Variants in MARCHF8 observed in about 807,000 individuals in gnomAD.
MARCHF8 encodes membrane associated ring-CH-type finger 8, also known as E3 ubiquitin-protein ligase MARCHF8.
In MARCHF8, 40 loss-of-function variants were observed where a neutral mutation model predicts 51.6. The ratio of observed to expected loss-of-function variants is 0.77; its 90% CI spans 0.60 to 1.01. The LOEUF is 1.01. Among genes scored for constraint, MARCHF8 ranks in the 50% least tolerant of loss-of-function variants. The pLI is 0.00. For missense variants in MARCHF8, 685 were observed against 708.6 expected, an observed-to-expected ratio of 0.97 and a Z score of 0.38; for synonymous variants, 263 against 280.3, an observed-to-expected ratio of 0.94 and a Z score of 0.62.
intron 1 of MARCHF8, among the ~76,000 whole-genome samples, chr10:45,577,269 C>CA (rs529792741): frequency 2.8e-4 from 40 of 142,182 alleles, no homozygotes; most frequent in Middle Eastern, 3.6e-3. Context: ...TTAATGGGCA[C>CA]AAAAAAAAAA....
intron 2 of MARCHF8, among the ~76,000 whole-genome samples, chr10:45,532,810 T>C (rs2043908986): frequency 6.6e-6 from 1 of 152,220 alleles, no homozygotes; most frequent in African/African-American, 2.4e-5. Flanking sequence ...AATAGGAAAC[T>C]AGCAGCATCA....
chr10:45,542,897 T>C (rs1330046504), intron 1 of MARCHF8, among the ~76,000 whole-genome samples: 1 of 152,206 alleles, frequency 6.6e-6, no homozygotes, highest in East Asian at 1.9e-4. Context: ...ATTGTCTAAT[T>C]AGAAATTTGA....
upstream of MARCHF8, among the ~76,000 whole-genome samples, chr10:45,536,166 G>C (rs986069404): frequency 1.3e-5 from 2 of 152,006 alleles, no homozygotes; most frequent in Non-Finnish European, 2.9e-5. Flanking sequence ...TACAACAAAG[G>C]AACAGTAATC....
chr10:45,554,839 G>A (rs946969499), intron 1 of MARCHF8, among the ~76,000 whole-genome samples: 1 of 152,230 alleles, frequency 6.6e-6, no homozygotes, highest in Non-Finnish European at 1.5e-5. Context: ...CGGATTGCCT[G>A]AGGTCAAGCG....
intron 2 of MARCHF8, 58 bp from the exon 3 acceptor site, chr10:45,489,475 C>G: frequency 6.9e-7 from 1 of 1,453,246 alleles, no homozygotes; most frequent in African/African-American, 1.4e-5. Flanking sequence ...ATGCAAAGAA[C>G]AAGTAATTGA....
intron 2 of MARCHF8, among the ~76,000 whole-genome samples, chr10:45,505,015 T>C (rs1418304675): frequency 6.6e-6 from 1 of 152,162 alleles, no homozygotes; most frequent in African/African-American, 2.4e-5. Flanking sequence ...GAGCTGTTAA[T>C]TATATATACA....
chr10:45,498,009 A>T (rs767582703), intron 2 of MARCHF8, among the ~76,000 whole-genome samples: 19 of 152,302 alleles, frequency 1.2e-4, no homozygotes, highest in Non-Finnish European at 2.8e-4. Flanking sequence ...GACTAATACA[A>T]ACATCTACTA....
At chr10:45,479,032 A>G (rs2042838111) in intron 3 of MARCHF8, among the ~76,000 whole-genome samples, 1 of 152,230 alleles carries the variant, frequency 6.6e-6, no homozygotes, top group South Asian at 2.1e-4. Context: ...AAAACCAGAC[A>G]AGGACACAAC....
chr10:45,507,968 G>A (rs1256459746), intron 2 of MARCHF8, among the ~76,000 whole-genome samples: 3 of 152,130 alleles, frequency 2.0e-5, no homozygotes, highest in African/African-American at 7.2e-5. Flanking sequence ...GATATCTGCT[G>A]TATAAATAAC....
chr10:45,526,739 C>G (rs1236423437), intron 2 of MARCHF8, among the ~76,000 whole-genome samples: 1 of 151,664 alleles, frequency 6.6e-6, no homozygotes, highest in Admixed American at 6.6e-5. Context: ...AAAAAAACCC[C>G]ACTGGATTTA....
chr10:45,578,567 T>C (rs555883692), intron 1 of MARCHF8, among the ~76,000 whole-genome samples: 1 of 152,144 alleles, frequency 6.6e-6, no homozygotes, highest in Non-Finnish European at 1.5e-5. Context: ...ACGCTAAAAC[T>C]AGTGGGTGAA....
At chr10:45,526,860 CCTT>C (rs2043802649) in intron 2 of MARCHF8, among the ~76,000 whole-genome samples, 1 of 152,134 alleles carries the variant, frequency 6.6e-6, no homozygotes, top group Non-Finnish European at 1.5e-5. Flanking sequence ...CCAAGACAGA[CCTT>C]ATCTTAAGGA....
At chr10:45,545,543 T>C (rs764903355) in intron 1 of MARCHF8, among the ~76,000 whole-genome samples, 1 of 152,174 alleles carries the variant, frequency 6.6e-6, no homozygotes, top group African/African-American at 2.4e-5. Context: ...AAAATTGAAA[T>C]GGATTTCAAA....
rs144105807 is a variant in MARCHF8, at chr10:45,550,041, G to A, written c.-78-16752C>T. The stretch of plus-strand genomic sequence containing the variant: ...ACTGCAAACAGGCAGAGCTGGGAGC[G>A]GGGACAGGGGGCAGTGATTCATTAG... On this transcript the variant is annotated intron_variant, in intron 1 of 6. Transcript: ENST00000319836. Among the ~76,000 whole-genome samples the A allele has an allele frequency of 1.8e-4, 27 of 152,314 alleles. No individual in the cohort carries two copies. In the East Asian group the frequency reaches 3.3e-3, roughly 18 times the overall value.
chr10:45,496,249 T>C (rs1462132107), intron 2 of MARCHF8, among the ~76,000 whole-genome samples: 1 of 152,072 alleles, frequency 6.6e-6, no homozygotes, highest in Non-Finnish European at 1.5e-5. Flanking sequence ...ACAATATAAA[T>C]GCATATATAT....
intron 2 of MARCHF8, among the ~76,000 whole-genome samples, chr10:45,520,139 C>A (rs958342523): frequency 6.6e-6 from 1 of 152,302 alleles, no homozygotes; most frequent in East Asian, 1.9e-4. Context: ...ATGACCACAA[C>A]AGTAATGCCT....
intron 3 of MARCHF8, among the ~76,000 whole-genome samples, chr10:45,467,922 T>A (rs1012438985): frequency 2.0e-5 from 3 of 152,102 alleles, no homozygotes; most frequent in African/African-American, 7.2e-5. Flanking sequence ...TCTTTGCGGG[T>A]TGCCAAATGA....
In MARCHF8 at chr10:45,535,194, A is replaced by G. The variant is rs1424337311; in HGVS notation, c.-79+17T>C. On this transcript the variant is annotated intron_variant, in intron 1 of 7. Transcript: ENST00000453424. ...TGTTTGTATTCAAGCACGTCACACA[A>G]AACAAGAGGCACTTACTGCGGAGCT... 2.0e-5 allele frequency: 3 copies of G among 152,240 alleles called. No homozygotes were observed. Among genetic ancestry groups the G allele is most frequent in the African/African-American group, 4.8e-5 (2 of 41,444 alleles). 9.4% of individuals were successfully genotyped at this position (152,240 alleles called of 1,614,324 possible).
intron 1 of MARCHF8, among the ~76,000 whole-genome samples, chr10:45,583,033 A>G (rs2133427724): frequency 6.6e-6 from 1 of 152,360 alleles, no homozygotes; most frequent in Admixed American, 6.5e-5. Flanking sequence ...ATAATATTTA[A>G]AGTGGATAAA....
Sources: gnomAD v4.1 joint callset for allele counts (sites outside exome capture counted in the v4.1 genomes callset) on GRCh38, gnomAD v4.1.1 for gene constraint, MANE v1.5 for transcripts, NCBI Gene and HGNC (gene_info 2026-07-23, HGNC 2026-07-21) for gene names.